ARAP1: variants seen among roughly 807,000 people sequenced by gnomAD.
ARAP1 encodes arf-GAP with Rho-GAP domain, ANK repeat and PH domain-containing protein 1.
ARAP1 carries 76 observed loss-of-function variants against 172.2 expected under a neutral mutation model. That is an observed-to-expected ratio of 0.44 (90% CI 0.37 to 0.53). The LOEUF (loss-of-function observed/expected upper bound fraction) is 0.53. Among genes scored for constraint, ARAP1 ranks in the 20% least tolerant of loss-of-function variants. The pLI is 0.00. For missense variants in ARAP1, 1,686 were observed against 1,977.5 expected, an observed-to-expected ratio of 0.85 and a Z score of 2.80; for synonymous variants, 804 against 803.3, an observed-to-expected ratio of 1.00 and a Z score of -0.01.
At chr11:72,733,586 G>C (rs996194188) in intron 1 of ARAP1, among the ~76,000 whole-genome samples, 1 of 152,114 alleles carries the variant, frequency 6.6e-6, no homozygotes, top group Non-Finnish European at 1.5e-5. Flanking sequence ...AGCTCTGTGG[G>C]GCTAGGGACC....
In ARAP1 at chr11:72,687,500, T is replaced by C. The variant is rs970646702; in HGVS notation, c.4124A>G (p.Tyr1375Cys). The change falls in exon 33 of 35, where the codon TAC (tyrosine) becomes TGC (cysteine). Residue 1375 changes from tyrosine (Y) to cysteine (C), a missense_variant and splice_region_variant. By Grantham distance (194) the Tyr-to-Cys change is radical. This residue lies in a region of ARAP1 where 379 missense variants were observed against 500.1 expected (regional missense o/e 0.76). Coordinates refer to ENST00000393609, the MANE Select transcript of ARAP1 (RefSeq NM_001040118.3). ...ETEKHEKQQW[Y>C]LCCDTQMELR... is the part of the protein sequence containing the mutation. ...CTCCATCTGTGTGTCACAGCAGAGG[T>C]ACCTGCAGGGTTGGACGCGGACCCA... 3 of 1,614,090 alleles carry C rather than the reference T, an allele frequency of 1.9e-6. No homozygotes were observed. The highest frequency in any genetic ancestry group is 1.1e-5 in the South Asian group (1 of 91,078).
intron 18 of ARAP1, among the ~76,000 whole-genome samples, 178 bp downstream of exon 18, chr11:72,698,827 T>G (rs1856334957): frequency 6.6e-6 from 1 of 151,886 alleles, no homozygotes. Flanking sequence ...TCTGACCAAC[T>G]CCGCAGAGGG....
At position 72,699,194 on chromosome 11, in the gene ARAP1, C is replaced by T. The variant is rs979932361; in HGVS notation, c.2439-87G>A. The T allele has an allele frequency of 1.4e-6, 2 of 1,481,060 alleles. No individual in the cohort carries two copies. Among genetic ancestry groups the T allele is most frequent in the Admixed American group, 3.4e-5 (2 of 59,098 alleles). The allele number at this position is 1,481,060 out of a possible 1,614,324, so 91.7% of individuals were successfully genotyped here. ...GCACCATCAACCGCCATCCTCTGCCCCCTCCGCACTGCCTTGGCGCTTGTC... is the reference window on the plus strand; with the variant it reads ...GCACCATCAACCGCCATCCTCTGCCTCCTCCGCACTGCCTTGGCGCTTGTC... On this transcript the variant is annotated intron_variant, in intron 17 of 34. Coordinates refer to ENST00000393609, the MANE Select transcript of ARAP1 (RefSeq NM_001040118.3). The surrounding 1 kb of genome is among the most constrained non-coding windows in gnomAD (Gnocchi z 4.2).
chr11:72,692,842 C>T, intron 29 of ARAP1, 57 bp from the exon 30 acceptor site: 1 of 1,604,892 alleles, frequency 6.2e-7, no homozygotes, highest in Non-Finnish European at 8.5e-7. Flanking sequence ...GCCAGGACAG[C>T]ATGTGCAGTG....
chr11:72,748,483 A>T (rs624030), intron 1 of ARAP1, among the ~76,000 whole-genome samples: 1 of 151,174 alleles, frequency 6.6e-6, no homozygotes, highest in African/African-American at 2.4e-5. Context: ...TCATGCCACC[A>T]CACTTGAGCC....
intron 3 of ARAP1, among the ~76,000 whole-genome samples, chr11:72,714,593 TG>T (rs1857194703): frequency 6.6e-6 from 1 of 152,122 alleles, no homozygotes; most frequent in Non-Finnish European, 1.5e-5. Context: ...ATATATCTAC[TG>T]GGTCTCCACA....
At chr11:72,743,878 G>A (rs945313890) in intron 1 of ARAP1, among the ~76,000 whole-genome samples, 2 of 151,766 alleles carry the variant, frequency 1.3e-5, no homozygotes, top group African/African-American at 4.8e-5. Context: ...TACCTCTCCT[G>A]CCTGCCTACC....
intron 2 of ARAP1, among the ~76,000 whole-genome samples, chr11:72,730,831 A>G (rs1857843059): frequency 6.6e-6 from 1 of 152,232 alleles, no homozygotes; most frequent in Non-Finnish European, 1.5e-5. Flanking sequence ...ATAGCAAAAG[A>G]ATGGAAATAA....
chr11:72,703,894 G>C, intron 14 of ARAP1: 1 of 532,138 alleles, frequency 1.9e-6, no homozygotes, highest in Non-Finnish European at 3.3e-6. Context: ...GGGTGCAGGA[G>C]ACTGAGGAAT....
At chr11:72,688,385 G>C in intron 31 of ARAP1, 70 bp downstream of exon 31, 1 of 1,423,950 alleles carries the variant, frequency 7.0e-7, no homozygotes, top group Non-Finnish European at 9.8e-7. Flanking sequence ...AACCCCAGCT[G>C]TGCCTCCCCC....
intron 23 of ARAP1, 101 bp downstream of exon 23, chr11:72,696,448 A>T (rs1856196907): frequency 2.1e-6 from 2 of 951,894 alleles, no homozygotes; most frequent in Admixed American, 6.4e-5. Context: ...CACTTGGTGC[A>T]AAAGCCCAGC....
In ARAP1 at chr11:72,696,530, C is replaced by T; in HGVS notation, c.3272+19G>A. 1 of 1,490,338 alleles carries T rather than the reference C, an allele frequency of 6.7e-7. No homozygotes were observed. Among genetic ancestry groups the T allele is most frequent in the Non-Finnish European group, 9.0e-7 (1 of 1,113,570 alleles). The allele number at this position is 1,490,338 out of a possible 1,614,324, so 92.3% of individuals were successfully genotyped here. A position where few individuals can be genotyped will look rare whatever the true frequency, so the allele number is the denominator to read the frequency against. On this transcript the variant is annotated intron_variant, in intron 23 of 34. Transcript: ENST00000393609. ...TTCATCCCATCCCCCCAGAATCTCA[C>T]AATGGTATCGTCCCTCACCAGTACA... is the stretch of plus-strand genomic sequence containing the variant.
At chr11:72,733,175 G>A (rs1336149185) in intron 1 of ARAP1, among the ~76,000 whole-genome samples, 1 of 152,162 alleles carries the variant, frequency 6.6e-6, no homozygotes, top group Non-Finnish European at 1.5e-5. Flanking sequence ...CTGCACAGGT[G>A]GTAAAGAGGA....
intron 5 of ARAP1, 154 bp downstream of exon 5, chr11:72,713,022 C>T (rs144343904): frequency 1.5e-5 from 12 of 807,366 alleles, no homozygotes; most frequent in Non-Finnish European, 4.0e-6. Flanking sequence ...CACGTGACTC[C>T]TGACCCCCGT....
At chr11:72,707,088 A>C in intron 12 of ARAP1, 87 bp downstream of exon 12, 1 of 1,364,306 alleles carries the variant, frequency 7.3e-7, no homozygotes, top group Non-Finnish European at 9.8e-7. Flanking sequence ...TCTCCGCTCC[A>C]GGCCCTCCTC....
chr11:72,685,722 C>G, intron 34 of ARAP1, 41 bp from the exon 35 acceptor site: 1 of 1,613,620 alleles, frequency 6.2e-7, no homozygotes, highest in Non-Finnish European at 8.5e-7. Context: ...TTGTGAAGGC[C>G]CAGAGGGGCT....
chr11:72,743,720 C>T (rs949685056), intron 1 of ARAP1, among the ~76,000 whole-genome samples: 12 of 152,254 alleles, frequency 7.9e-5, no homozygotes, highest in South Asian at 2.1e-4. Context: ...TCCTGCTGGA[C>T]CGGCCCCTTA....
chr11:72,713,819 C>T (rs1857149524), intron 4 of ARAP1, among the ~76,000 whole-genome samples: 1 of 150,368 alleles, frequency 6.7e-6, no homozygotes, highest in Non-Finnish European at 1.5e-5. Context: ...TGCACTCCAG[C>T]CTGGGCGACA....
At position 72,702,996 on chromosome 11, in the gene ARAP1, C is replaced by T. The variant is rs761793646; in HGVS notation, c.2076G>A (p.Ser692=). The change falls in exon 15 of 35, where the codon TCG becomes TCA. Residue 692 remains serine (S), a synonymous_variant. Coordinates refer to ENST00000393609, the MANE Select transcript of ARAP1 (RefSeq NM_001040118.3). ...GGGGCGTGGGGGCCTCAGGGTCCCC[C>T]GAGAAGCAGTTGATCCCAGCCCCAC... The part of the protein sequence containing the change: ...LGCGAGINCF[S]GDPEAPTPLA... The T allele has an allele frequency of 1.8e-5, 28 of 1,575,370 alleles. No homozygotes were observed. The highest frequency in any genetic ancestry group is 2.2e-5 in the Non-Finnish European group (26 of 1,162,130).
Sources: gnomAD v4.1 joint callset for allele counts (sites outside exome capture counted in the v4.1 genomes callset) on GRCh38, gnomAD v4.1.1 for gene constraint, gnomAD v4.1.1 regional missense constraint, Gnocchi (gnomAD v3.1) non-coding constraint, MANE v1.5 for transcripts, NCBI Gene and HGNC (gene_info 2026-07-23, HGNC 2026-07-21) for gene names.